ELMO1: variants seen among roughly 807,000 people sequenced by gnomAD.
ELMO1 encodes engulfment and cell motility 1.
Under a neutral mutation model 98.9 loss-of-function variants are expected in ELMO1, and 26 were observed. The ratio of observed to expected loss-of-function variants is 0.26; its 90% CI spans 0.19 to 0.36. ELMO1 has a LOEUF of 0.36. Ranked by LOEUF, ELMO1 falls within the 10% of genes least tolerant of loss-of-function variation. ELMO1 has a pLI of 1.00. For missense variants in ELMO1, 627 were observed against 935.2 expected (o/e 0.67, Z 4.30); for synonymous variants, 346 against 346.0 (o/e 1.00, Z 0.00).
At chr7:37,039,874 T>C (rs1795401563) in intron 15 of ELMO1, among the ~76,000 whole-genome samples, 1 of 152,248 alleles carries the variant, frequency 6.6e-6, no homozygotes, top group African/African-American at 2.4e-5. Context: ...CCAGAATAAT[T>C]AAAAAGTGCA....
At chr7:37,091,106 C>T (rs920571947) in intron 15 of ELMO1, among the ~76,000 whole-genome samples, 1 of 152,068 alleles carries the variant, frequency 6.6e-6, no homozygotes, top group African/African-American at 2.4e-5. Context: ...TATTTATTTA[C>T]TTATGTTTTT....
At chr7:37,224,662 CAAT>C (rs1793770115) in intron 9 of ELMO1, among the ~76,000 whole-genome samples, 1 of 152,164 alleles carries the variant, frequency 6.6e-6, no homozygotes, top group African/African-American at 2.4e-5. Flanking sequence ...TGGGGACAGG[CAAT>C]GCCAAGAACC....
intron 6 of ELMO1, among the ~76,000 whole-genome samples, chr7:37,253,055 A>T (rs1795443955): frequency 1.3e-5 from 2 of 152,234 alleles, no homozygotes; most frequent in African/African-American, 2.4e-5. Context: ...TAGAATGGTG[A>T]TCATTAAAAA....
intron 17 of ELMO1, among the ~76,000 whole-genome samples, chr7:36,892,187 C>G (rs1805613665): frequency 6.6e-6 from 1 of 152,236 alleles, no homozygotes; most frequent in Non-Finnish European, 1.5e-5. Flanking sequence ...GAGCTGAGGT[C>G]TGCCACCATG....
At chr7:37,375,844 G>A in intron 1 of ELMO1, 1 of 745,932 alleles carries the variant, frequency 1.3e-6, no homozygotes, top group South Asian at 1.4e-5. Context: ...TCGGCCTAAA[G>A]GTCTGGAGAC....
chr7:36,865,777 A>G (rs957745808), intron 20 of ELMO1, among the ~76,000 whole-genome samples: 29 of 152,316 alleles, frequency 1.9e-4, no homozygotes, highest in African/African-American at 7.0e-4. Flanking sequence ...TATAAATGTT[A>G]TCTACTGGAC....
rs188663581 is a variant in ELMO1 at position 37,356,647 on chromosome 7, A to C, written c.-73-13884T>G. ...ATAGGGGAGGGATGGAATTACGAGAAATACCTAATATAGATGACAGGTTGA... is the reference window on the plus strand; with the variant it reads ...ATAGGGGAGGGATGGAATTACGAGACATACCTAATATAGATGACAGGTTGA... On this transcript the variant is annotated intron_variant, in intron 1 of 21. Coordinates refer to ENST00000310758, the MANE Select transcript of ELMO1 (RefSeq NM_014800.11). Among the ~76,000 whole-genome samples the C allele has an allele frequency of 6.8e-4, 104 of 152,200 alleles. 3 individuals carry two copies. Among genetic ancestry groups the C allele is most frequent in the Admixed American group, 5.4e-3 (82 of 15,282 alleles).
At chr7:37,368,882 T>C (rs1431851389) in intron 1 of ELMO1, among the ~76,000 whole-genome samples, 5 of 152,218 alleles carry the variant, frequency 3.3e-5, no homozygotes, top group Non-Finnish European at 7.3e-5. Flanking sequence ...ATCATTCTCA[T>C]GTGATTCCCT....
Position 37,342,594 on chromosome 7 carries a change from A to T in ELMO1, c.78+19T>A, listed in dbSNP as rs374901944. On this transcript the variant is annotated intron_variant, in intron 2 of 21. Transcript: ENST00000310758. This position sits in a 1 kb window ranked among gnomAD's most constrained non-coding sequence, Gnocchi z 4.3. ...AAAGGAAACTGAAAATAGACACCCA[A>T]TGCTGTCACGTTACTAACCTGATCA... is the stretch of plus-strand genomic sequence containing the variant. The T allele has an allele frequency of 6.2e-7, 1 of 1,612,252 alleles. No homozygotes were observed. Among genetic ancestry groups the T allele is most frequent in the Non-Finnish European group, 8.5e-7 (1 of 1,178,404 alleles).
chr7:37,237,301 A>AT (rs889022198), intron 7 of ELMO1, among the ~76,000 whole-genome samples: 19 of 151,950 alleles, frequency 1.3e-4, no homozygotes, highest in Admixed American at 7.9e-4. Flanking sequence ...TTATTTATTT[A>AT]TTTTTTTAGA....
intron 16 of ELMO1, among the ~76,000 whole-genome samples, chr7:36,995,229 G>T (rs1792120819): frequency 6.6e-6 from 1 of 152,112 alleles, no homozygotes; most frequent in South Asian, 2.1e-4. Flanking sequence ...ATTCAACCTG[G>T]CTGGGTGCCG....
chr7:37,314,991 T>C, intron 3 of ELMO1, 69 bp from the exon 4 acceptor site: 1 of 1,430,832 alleles, frequency 7.0e-7, no homozygotes, highest in African/African-American at 1.4e-5. Context: ...AATTTTTTAG[T>C]GTTGGATGAA....
chr7:37,261,255 A>G (rs1039165160), intron 5 of ELMO1, among the ~76,000 whole-genome samples: 8 of 152,240 alleles, frequency 5.3e-5, no homozygotes, highest in African/African-American at 1.9e-4. Flanking sequence ...AGGAAATTGA[A>G]GTTCAGGGAA....
intron 1 of ELMO1, chr7:37,375,740 A>G (rs1802312318): frequency 1.7e-6 from 2 of 1,205,742 alleles, no homozygotes; most frequent in Non-Finnish European, 2.5e-6. Flanking sequence ...TACCTTACCA[A>G]TGAGGGTATC....
chr7:37,142,365 C>A (rs928624871), intron 13 of ELMO1, among the ~76,000 whole-genome samples: 2 of 152,184 alleles, frequency 1.3e-5, no homozygotes, highest in East Asian at 1.9e-4. Flanking sequence ...TTGCTAAGTA[C>A]ATTCTGGGTG....
chr7:37,037,913 G>A (rs1795284551), intron 15 of ELMO1, among the ~76,000 whole-genome samples: 1 of 152,144 alleles, frequency 6.6e-6, no homozygotes, highest in Non-Finnish European at 1.5e-5. Context: ...TATGGAAAAG[G>A]TAGCACATTG....
intron 12 of ELMO1, among the ~76,000 whole-genome samples, chr7:37,211,967 G>A (rs1793000066): frequency 6.6e-6 from 1 of 152,198 alleles, no homozygotes; most frequent in Non-Finnish European, 1.5e-5. Context: ...GGTCAAAGGT[G>A]CAAACAACCC....
chr7:36,941,066 T>C (rs1786993806), intron 16 of ELMO1, among the ~76,000 whole-genome samples: 1 of 152,226 alleles, frequency 6.6e-6, no homozygotes, highest in African/African-American at 2.4e-5. Flanking sequence ...TAAATGAAAT[T>C]CCAAGTTTGT....
intron 1 of ELMO1, among the ~76,000 whole-genome samples, chr7:37,371,113 C>G (rs531943207): frequency 6.6e-6 from 1 of 152,290 alleles, no homozygotes; most frequent in South Asian, 2.1e-4. Flanking sequence ...GAACTACATT[C>G]TCATAGTTGA....
Sources: gnomAD v4.1 joint callset for allele counts (sites outside exome capture counted in the v4.1 genomes callset) on GRCh38, gnomAD v4.1.1 for gene constraint, Gnocchi (gnomAD v3.1) non-coding constraint, MANE v1.5 for transcripts, NCBI Gene and HGNC (gene_info 2026-07-23, HGNC 2026-07-21) for gene names.